Variants in CSMD3 observed in about 807,000 individuals in gnomAD.
The protein encoded by CSMD3 is CUB and sushi domain-containing protein 3.
Under a neutral mutation model 435.2 loss-of-function variants are expected in CSMD3, and 177 were observed. The observed-to-expected ratio is 0.41, with a 90% confidence interval of 0.36 to 0.46. CSMD3 has a LOEUF of 0.46. CSMD3 is among the 20% of genes least tolerant of loss of function. The probability of loss-of-function intolerance (pLI) is 0.34; values close to 1 mark genes in which losing one functional copy is unlikely to be tolerated. For missense variants in CSMD3, 4,265 were observed against 4,504.6 expected, an observed-to-expected ratio of 0.95 and a Z score of 1.52; for synonymous variants, 1,656 against 1,520.5, an observed-to-expected ratio of 1.09 and a Z score of -2.07.
chr8:113,071,356 G>T (rs10955643), intron 5 of CSMD3, among the ~76,000 whole-genome samples: 84,181 of 151,466 alleles, frequency 0.56, 25,399 homozygotes, highest in East Asian at 0.88. Flanking sequence ...GTTTATTTTT[G>T]CCTGTGCTTT....
rs71309768 is a variant in CSMD3, at chr8:112,405,214, C to CATATATATATAT, written c.5809+1298_5809+1309dup. 8.0e-3 allele frequency among the ~76,000 whole-genome samples: 151 copies of CATATATATATAT among 18,990 alleles called. 2 individuals carry two copies. The highest frequency in any genetic ancestry group is 0.011 in the Non-Finnish European group (137 of 12,362). 12.5% of individuals were successfully genotyped at this position (18,990 alleles called of 152,430 possible). On this transcript the variant is annotated intron_variant, in intron 35 of 70. Coordinates refer to ENST00000297405, the MANE Select transcript of CSMD3 (RefSeq NM_198123.2). ...AAAAAAAAAAAAAAAAAAAAACCCC[C>CATATATATATAT]ATATATATATATATATATATATATA...
At chr8:113,252,210 A>T (rs2132304835) in intron 3 of CSMD3, among the ~76,000 whole-genome samples, 1 of 152,154 alleles carries the variant, frequency 6.6e-6, no homozygotes, top group East Asian at 1.9e-4. Flanking sequence ...CAAAATCAAT[A>T]ATCTCCAATT....
intron 22 of CSMD3, among the ~76,000 whole-genome samples, chr8:112,593,429 G>C (rs1831372033): frequency 6.6e-6 from 1 of 152,170 alleles, no homozygotes; most frequent in African/African-American, 2.4e-5. Context: ...GGGCATGAAA[G>C]AGAGGAAAAG....
intron 25 of CSMD3, among the ~76,000 whole-genome samples, chr8:112,553,628 CAG>C (rs1470238150): frequency 3.3e-5 from 5 of 151,984 alleles, no homozygotes; most frequent in East Asian, 1.9e-4. Context: ...CTCTGTTTGT[CAG>C]AGTTTTTAAA....
At chr8:112,948,759 A>C (rs1475761496) in intron 8 of CSMD3, among the ~76,000 whole-genome samples, 1 of 151,954 alleles carries the variant, frequency 6.6e-6, no homozygotes, top group African/African-American at 2.4e-5. Flanking sequence ...AGAGAAAAAA[A>C]ATCTAAACCA....
At chr8:113,025,445 G>C (rs573436330) in intron 5 of CSMD3, among the ~76,000 whole-genome samples, 2 of 152,158 alleles carry the variant, frequency 1.3e-5, no homozygotes, top group Admixed American at 6.5e-5. Context: ...TGGCCACCAT[G>C]ATAGTTTCAG....
intron 3 of CSMD3, among the ~76,000 whole-genome samples, chr8:113,227,530 T>C (rs1445039155): frequency 6.6e-6 from 1 of 151,658 alleles, no homozygotes; most frequent in Admixed American, 6.6e-5. Context: ...TCACCTAGAA[T>C]TGTAATCCCC....
intron 3 of CSMD3, among the ~76,000 whole-genome samples, chr8:113,275,308 T>C (rs1476938879): frequency 6.6e-6 from 1 of 152,120 alleles, no homozygotes; most frequent in Admixed American, 6.6e-5. Flanking sequence ...GCTTTTATTA[T>C]ACACCAGATT....
At chr8:113,037,166 A>G (rs918969947) in intron 5 of CSMD3, among the ~76,000 whole-genome samples, 13 of 152,134 alleles carry the variant, frequency 8.5e-5, no homozygotes, top group African/African-American at 1.4e-4. Flanking sequence ...CAGTTATTCT[A>G]AGAGAAGGGA....
chr8:113,007,665 C>G (rs559204164), intron 6 of CSMD3, among the ~76,000 whole-genome samples: 1 of 151,990 alleles, frequency 6.6e-6, no homozygotes, highest in Non-Finnish European at 1.5e-5. Context: ...AGAACCTAAC[C>G]GAGTTTTAAT....
At chr8:113,401,762 C>G (rs2094511130) in intron 1 of CSMD3, among the ~76,000 whole-genome samples, 1 of 151,464 alleles carries the variant, frequency 6.6e-6, no homozygotes, top group African/African-American at 2.4e-5. Context: ...TACCTGTAGT[C>G]ACATGTTATT....
chr8:112,537,843 A>C (rs1203825634), intron 27 of CSMD3, among the ~76,000 whole-genome samples: 1 of 152,076 alleles, frequency 6.6e-6, no homozygotes, highest in East Asian at 1.9e-4. Context: ...TATTTCAAAA[A>C]ACTGAAAAGG....
At chr8:113,365,407 A>G (rs1420330037) in intron 1 of CSMD3, among the ~76,000 whole-genome samples, 1 of 152,028 alleles carries the variant, frequency 6.6e-6, no homozygotes, top group Non-Finnish European at 1.5e-5. Flanking sequence ...GAATTTGCAA[A>G]CCACTCAAAG....
At chr8:113,198,788 A>C (rs2092687487) in intron 3 of CSMD3, among the ~76,000 whole-genome samples, 1 of 150,964 alleles carries the variant, frequency 6.6e-6, no homozygotes, top group Non-Finnish European at 1.5e-5. Context: ...ACTGCAGCCC[A>C]TTTTTCTATT....
intron 6 of CSMD3, among the ~76,000 whole-genome samples, chr8:112,982,215 A>G (rs1009848518): frequency 6.6e-6 from 1 of 151,928 alleles, no homozygotes; most frequent in Non-Finnish European, 1.5e-5. Context: ...CAAATCCACA[A>G]AAACACACAC....
intron 13 of CSMD3, among the ~76,000 whole-genome samples, chr8:112,694,441 AT>A (rs1489311323): frequency 6.6e-6 from 1 of 152,118 alleles, no homozygotes; most frequent in Non-Finnish European, 1.5e-5. Context: ...TCATTATTAT[AT>A]TTTTAAATAC....
intron 13 of CSMD3, among the ~76,000 whole-genome samples, chr8:112,721,236 GA>G (rs2076850900): frequency 1.3e-5 from 2 of 152,078 alleles, no homozygotes; most frequent in African/African-American, 4.8e-5. Flanking sequence ...ATGAAAAACT[GA>G]ATCTATGTGA....
At chr8:113,337,236 T>C (rs1339342543) in intron 1 of CSMD3, among the ~76,000 whole-genome samples, 1 of 152,112 alleles carries the variant, frequency 6.6e-6, no homozygotes, top group Non-Finnish European at 1.5e-5. Flanking sequence ...TCTGCCTTTT[T>C]TCCCCTACCT....
rs537646451 is a variant in CSMD3 at position 112,916,947 on chromosome 8, G to A, written c.1633+4680C>T. On this transcript the variant is annotated intron_variant, in intron 10 of 70. Coordinates refer to ENST00000297405, the MANE Select transcript of CSMD3 (RefSeq NM_198123.2). ...ACATATGTAAAATAATTTTGAAAAA[G>A]TTAAGACCCTGAGCTTTTAATAAAC... 1.7e-3 allele frequency among the ~76,000 whole-genome samples: 264 copies of A among 152,070 alleles called. 1 individual carries two copies. Among genetic ancestry groups the A allele is most frequent in the African/African-American group, 6.1e-3 (253 of 41,558 alleles).
Sources: gnomAD v4.1 joint callset for allele counts (sites outside exome capture counted in the v4.1 genomes callset) on GRCh38, gnomAD v4.1.1 for gene constraint, MANE v1.5 for transcripts, NCBI Gene and HGNC (gene_info 2026-07-23, HGNC 2026-07-21) for gene names.